Variants in ARB2A observed in about 807,000 individuals in gnomAD.
The protein encoded by ARB2A is cotranscriptional regulator ARB2A.
the ARB2A span, among the ~76,000 whole-genome samples, chr5:94,024,498 T>C: frequency 1.3e-5 from 2 of 152,238 alleles, no homozygotes; most frequent in East Asian, 1.9e-4. Context: ...ATCCTGCTGG[T>C]TCTGTTACTC....
At chr5:93,873,977 G>T in the ARB2A span, among the ~76,000 whole-genome samples, 3 of 152,172 alleles carry the variant, frequency 2.0e-5, no homozygotes, top group East Asian at 5.8e-4. Flanking sequence ...ATGTTTGCAG[G>T]ATAAGGGGAA....
the ARB2A span, among the ~76,000 whole-genome samples, chr5:93,709,107 G>A: frequency 1.6e-5 from 2 of 129,000 alleles, no homozygotes; most frequent in African/African-American, 6.0e-5. Context: ...CATTTCACAA[G>A]GTATACACAT....
chr5:93,942,960 C>T, the ARB2A span, among the ~76,000 whole-genome samples: 23 of 152,152 alleles, frequency 1.5e-4, no homozygotes, highest in African/African-American at 5.5e-4. Context: ...ACACATACAA[C>T]TTGTTATTTT....
the ARB2A span, among the ~76,000 whole-genome samples, chr5:93,761,543 A>G: frequency 6.6e-6 from 1 of 152,190 alleles, no homozygotes; most frequent in Non-Finnish European, 1.5e-5. Flanking sequence ...TTGAGTAGGT[A>G]AACAAAGCAG....
the ARB2A span, among the ~76,000 whole-genome samples, chr5:93,958,602 G>T: frequency 6.6e-6 from 1 of 151,962 alleles, no homozygotes; most frequent in Non-Finnish European, 1.5e-5. Flanking sequence ...ATGCCACTTT[G>T]TGTTTCTTTG....
At chr5:93,779,865 C>T in the ARB2A span, among the ~76,000 whole-genome samples, 2 of 152,044 alleles carry the variant, frequency 1.3e-5, no homozygotes, top group African/African-American at 4.8e-5. Flanking sequence ...ATTTGGGGAG[C>T]TATTGATATG....
chr5:93,913,503 A>G, the ARB2A span, among the ~76,000 whole-genome samples: 1 of 151,974 alleles, frequency 6.6e-6, no homozygotes, highest in African/African-American at 2.4e-5. Flanking sequence ...GCATCTATAC[A>G]AGAGAACAGC....
the ARB2A span, among the ~76,000 whole-genome samples, chr5:94,006,958 A>C: frequency 6.6e-6 from 1 of 152,192 alleles, no homozygotes; most frequent in South Asian, 2.1e-4. Flanking sequence ...TATAGCATTA[A>C]TTTAGTTCTA....
chr5:93,666,330 ATGAAT>A, the ARB2A span, among the ~76,000 whole-genome samples: 1 of 152,318 alleles, frequency 6.6e-6, no homozygotes, highest in Non-Finnish European at 1.5e-5. Flanking sequence ...AAAATGAGAA[ATGAAT>A]TGGTCAGGAT....
At chr5:93,948,151 T>C in the ARB2A span, among the ~76,000 whole-genome samples, 6 of 152,180 alleles carry the variant, frequency 3.9e-5, no homozygotes, top group African/African-American at 1.4e-4. Flanking sequence ...TGTTCCTATT[T>C]CTCCACATCC....
the ARB2A span, among the ~76,000 whole-genome samples, chr5:93,777,232 A>G: frequency 6.6e-6 from 1 of 151,864 alleles, no homozygotes; most frequent in Admixed American, 6.6e-5. Flanking sequence ...TGGGTGCGGC[A>G]CACCAGCATG....
At chr5:93,619,553 T>G in the ARB2A span, 3 of 152,232 alleles carry the variant, frequency 2.0e-5, no homozygotes, top group African/African-American at 7.2e-5. Context: ...TATCATGTCC[T>G]CAAATAAGGC....
At chr5:93,758,606 C>A in the ARB2A span, among the ~76,000 whole-genome samples, 2 of 152,122 alleles carry the variant, frequency 1.3e-5, no homozygotes, top group Non-Finnish European at 2.9e-5. Context: ...CAAAACCATG[C>A]AAATACATGG....
At chr5:93,992,048 A>C in the ARB2A span, among the ~76,000 whole-genome samples, 46 of 152,222 alleles carry the variant, frequency 3.0e-4, no homozygotes, top group East Asian at 8.7e-3. Flanking sequence ...AGAGGGTAAC[A>C]AAGATAAGAC....
At chr5:93,677,249 A>G in the ARB2A span, among the ~76,000 whole-genome samples, 1 of 152,208 alleles carries the variant, frequency 6.6e-6, no homozygotes, top group African/African-American at 2.4e-5. Context: ...CATGATGCAC[A>G]AAAGTTCATG....
chr5:93,729,167 T>C, the ARB2A span, among the ~76,000 whole-genome samples: 1 of 152,104 alleles, frequency 6.6e-6, no homozygotes, highest in African/African-American at 2.4e-5. Flanking sequence ...CTTTACGTTG[T>C]TCCCCGTTCT....
chr5:93,638,765 G>A, the ARB2A span, among the ~76,000 whole-genome samples: 1 of 152,066 alleles, frequency 6.6e-6, no homozygotes, highest in Non-Finnish European at 1.5e-5. Flanking sequence ...GGAGGCAGAT[G>A]GTGCGATGAG....
At chr5:94,048,051 CTTTT>C in the ARB2A span, among the ~76,000 whole-genome samples, 1 of 96,086 alleles carries the variant, frequency 1.0e-5, no homozygotes, top group African/African-American at 4.0e-5. Flanking sequence ...AATCGGTAAG[CTTTT>C]TTTTTTTTTT....
the ARB2A span, among the ~76,000 whole-genome samples, chr5:93,678,642 G>C: frequency 6.6e-6 from 1 of 152,028 alleles, no homozygotes; most frequent in Admixed American, 6.6e-5. Context: ...TGTAATCCCA[G>C]CTACTAGGGA....
Sources: gnomAD v4.1 joint callset for allele counts (sites outside exome capture counted in the v4.1 genomes callset) on GRCh38, gnomAD v4.1.1 for gene constraint, MANE v1.5 for transcripts, NCBI Gene and HGNC (gene_info 2026-07-23, HGNC 2026-07-21) for gene names.